The following ARL15 variants were observed in gnomAD, a reference collection of about 807,000 sequenced individuals.
The protein encoded by ARL15 is ADP-ribosylation factor-like protein 15.
A neutral mutation model predicts 25.2 loss-of-function variants in ARL15; 19 were observed. That is an observed-to-expected ratio of 0.75 (90% CI 0.53 to 1.10). The LOEUF (loss-of-function observed/expected upper bound fraction) is 1.10, where lower values mean the gene tolerates loss of function less well. Among genes scored for constraint, ARL15 ranks in the 50% least tolerant of loss-of-function variants. The pLI is 0.00. For missense variants in ARL15, 220 were observed against 246.0 expected, an observed-to-expected ratio of 0.89 and a Z score of 0.71; for synonymous variants, 94 against 86.8, an observed-to-expected ratio of 1.08 and a Z score of -0.46.
intron 4 of ARL15, among the ~76,000 whole-genome samples, chr5:53,991,078 G>A (rs1373881597): frequency 1.3e-5 from 2 of 151,982 alleles, no homozygotes; most frequent in Non-Finnish European, 2.9e-5. Context: ...TTTTTGAAGT[G>A]GAAGCCAATG....
intron 4 of ARL15, among the ~76,000 whole-genome samples, chr5:54,031,870 C>G (rs1750003965): frequency 6.6e-6 from 1 of 152,066 alleles, no homozygotes. Flanking sequence ...CAAAGTTTTT[C>G]TTGGGCTCGT....
At chr5:54,205,093 G>A (rs945034511) in intron 1 of ARL15, among the ~76,000 whole-genome samples, 1 of 151,880 alleles carries the variant, frequency 6.6e-6, no homozygotes, top group East Asian at 1.9e-4. Flanking sequence ...GAGCCACCAC[G>A]CCTGGCCTCC....
chr5:54,299,967 T>G (rs924014889), intron 1 of ARL15, among the ~76,000 whole-genome samples: 1 of 152,188 alleles, frequency 6.6e-6, no homozygotes, highest in Admixed American at 6.5e-5. Context: ...GTTGAATTAC[T>G]GCACAAGCAG....
At chr5:53,910,438 T>C (rs2111975534) in intron 4 of ARL15, among the ~76,000 whole-genome samples, 1 of 151,956 alleles carries the variant, frequency 6.6e-6, no homozygotes, top group South Asian at 2.1e-4. Context: ...AATTCAAAAC[T>C]ACGCTTACTA....
At chr5:54,164,946 CT>C (rs1754523546) in intron 2 of ARL15, among the ~76,000 whole-genome samples, 2 of 151,770 alleles carry the variant, frequency 1.3e-5, no homozygotes, top group Admixed American at 6.6e-5. Flanking sequence ...CCCTTTTCTT[CT>C]TTTTCTGCCT....
At chr5:54,201,091 TTTCCTTG>T (rs1360839660) in intron 1 of ARL15, among the ~76,000 whole-genome samples, 1 of 152,000 alleles carries the variant, frequency 6.6e-6, no homozygotes, top group Non-Finnish European at 1.5e-5. Context: ...TCTCAATAGC[TTTCCTTG>T]GTTTTACCCT....
intron 4 of ARL15, among the ~76,000 whole-genome samples, chr5:53,925,837 A>G (rs1440124266): frequency 6.6e-6 from 1 of 151,990 alleles, no homozygotes; most frequent in African/African-American, 2.4e-5. Flanking sequence ...AACAAAAAAA[A>G]CTTTGTTTTT....
chr5:54,027,768 G>T (rs568113797), intron 4 of ARL15, among the ~76,000 whole-genome samples: 3 of 152,074 alleles, frequency 2.0e-5, no homozygotes, highest in African/African-American at 7.2e-5. Context: ...TTTAATCAAA[G>T]AATCAAATAC....
At chr5:54,119,879 C>T (rs564642092) in intron 3 of ARL15, among the ~76,000 whole-genome samples, 1 of 152,272 alleles carries the variant, frequency 6.6e-6, no homozygotes, top group South Asian at 2.1e-4. Flanking sequence ...CCTGATCTTG[C>T]AGCTGGGAAT....
At chr5:53,986,344 T>C (rs1026243109) in intron 4 of ARL15, among the ~76,000 whole-genome samples, 1 of 152,204 alleles carries the variant, frequency 6.6e-6, no homozygotes, top group Non-Finnish European at 1.5e-5. Context: ...GATAATTATT[T>C]TGGGAGAAAT....
intron 1 of ARL15, among the ~76,000 whole-genome samples, chr5:54,199,359 C>G (rs971199971): frequency 2.0e-5 from 3 of 151,454 alleles, no homozygotes; most frequent in African/African-American, 7.3e-5. Flanking sequence ...AGTGAACAGG[C>G]AACCCACAAA....
intron 1 of ARL15, among the ~76,000 whole-genome samples, chr5:54,199,238 C>A (rs1039098720): frequency 1.1e-4 from 16 of 152,066 alleles, no homozygotes; most frequent in African/African-American, 3.6e-4. Context: ...TAGGCATGGG[C>A]AAGGACTTCA....
chr5:54,247,345 T>C (rs777263831), intron 1 of ARL15, among the ~76,000 whole-genome samples: 12 of 152,058 alleles, frequency 7.9e-5, no homozygotes, highest in Non-Finnish European at 1.6e-4. Flanking sequence ...CTTTTGACAA[T>C]GTTCAGCCCC....
At chr5:54,240,307 A>G (rs969170487) in intron 1 of ARL15, among the ~76,000 whole-genome samples, 1 of 151,388 alleles carries the variant, frequency 6.6e-6, no homozygotes, top group African/African-American at 2.4e-5. Context: ...GTTGGCTCAA[A>G]AGGTGTCATT....
chr5:53,889,204 A>C (rs1184847062), intron 4 of ARL15, among the ~76,000 whole-genome samples: 1 of 152,202 alleles, frequency 6.6e-6, no homozygotes, highest in Non-Finnish European at 1.5e-5. Context: ...TTTAAAAATA[A>C]TACGGAATTG....
chr5:54,039,800 TAAAAAAAAAAAA>T (rs35030165), intron 4 of ARL15, among the ~76,000 whole-genome samples: 2 of 52,546 alleles, frequency 3.8e-5, no homozygotes, highest in African/African-American at 7.6e-5. Context: ...AGACTCTGTC[TAAAAAAAAAAAA>T]AAAAAAAAAA....
chr5:54,191,206 A>G (rs1755390894), intron 1 of ARL15, among the ~76,000 whole-genome samples: 1 of 152,216 alleles, frequency 6.6e-6, no homozygotes. Flanking sequence ...TAAGCCAGCC[A>G]GCCGTAAAAA....
chr5:54,033,676 A>G (rs1750070028), intron 4 of ARL15, among the ~76,000 whole-genome samples: 1 of 151,966 alleles, frequency 6.6e-6, no homozygotes, highest in Non-Finnish European at 1.5e-5. Flanking sequence ...CCATCTCAAA[A>G]AAAAAAAAAA....
In ARL15 at chr5:54,015,536, G is replaced by A. The variant is rs137971962; in HGVS notation, c.462+97666C>T. 6.3e-4 allele frequency among the ~76,000 whole-genome samples: 96 copies of A among 152,118 alleles called. 1 individual carries two copies. The highest frequency in any genetic ancestry group is 1.1e-3 in the Non-Finnish European group (76 of 68,012). On this transcript the variant is annotated intron_variant, in intron 4 of 4. Coordinates refer to ENST00000504924, the MANE Select transcript of ARL15 (RefSeq NM_019087.3). Reference sequence around the variant, plus strand: ...TTATAAATCTTCATAAAATGATTACGGATATTAGACTCACAGAACTTTAGA... The same window carrying A: ...TTATAAATCTTCATAAAATGATTACAGATATTAGACTCACAGAACTTTAGA...
Sources: gnomAD v4.1 joint callset for allele counts (sites outside exome capture counted in the v4.1 genomes callset) on GRCh38, gnomAD v4.1.1 for gene constraint, MANE v1.5 for transcripts, NCBI Gene and HGNC (gene_info 2026-07-23, HGNC 2026-07-21) for gene names.